Variants in SLC7A14 observed in about 807,000 individuals in gnomAD.
SLC7A14 encodes gamma-aminobutyric acid transporter SLC7A14.
In SLC7A14, 37 loss-of-function variants were observed where a neutral mutation model predicts 60.2. The observed-to-expected ratio is 0.61, with a 90% confidence interval of 0.47 to 0.81. The LOEUF is 0.81. Ranked by LOEUF, SLC7A14 falls within the 30% of genes least tolerant of loss-of-function variation. SLC7A14 has a pLI of 0.00. For missense variants in SLC7A14, 886 were observed against 982.7 expected (o/e 0.90, Z 1.32); for synonymous variants, 399 against 395.8 (o/e 1.01, Z -0.10).
intron 7 of SLC7A14, among the ~76,000 whole-genome samples, chr3:170,470,408 A>C (rs1739863444): frequency 6.6e-6 from 1 of 151,324 alleles, no homozygotes; most frequent in African/African-American, 2.4e-5. Context: ...TGTGAAGACA[A>C]TCCATGGAAA....
At chr3:170,483,057 C>T (rs371448727) in intron 6 of SLC7A14, among the ~76,000 whole-genome samples, 147 of 152,176 alleles carry the variant, frequency 9.7e-4, no homozygotes, top group African/African-American at 3.3e-3. Context: ...CAAAGGAGCA[C>T]GCAATGTCGA....
rs144350764 is a variant in SLC7A14, at chr3:170,538,215, C to A, written c.-152-11127G>T. On this transcript the variant is annotated intron_variant, in intron 1 of 7. Transcript: ENST00000231706. The stretch of plus-strand genomic sequence containing the variant: ...GTTGTCCATCTGAGATACTTCCTCC[C>A]CAGTCAATAGCTGCAATTTGGATGA... 2.1e-3 allele frequency among the ~76,000 whole-genome samples: 322 copies of A among 152,308 alleles called. 1 individual carries two copies. The highest frequency in any genetic ancestry group is 7.3e-3 in the African/African-American group (305 of 41,578).
At chr3:170,541,207 A>T (rs1714006793) in intron 1 of SLC7A14, among the ~76,000 whole-genome samples, 2 of 152,364 alleles carry the variant, frequency 1.3e-5, no homozygotes, top group South Asian at 4.1e-4. Context: ...TAAAAGTTGG[A>T]GACAACCTAC....
Position 170,585,325 on chromosome 3 carries a change from G to C in SLC7A14, c.-153+586C>G, listed in dbSNP as rs1014221456. On this transcript the variant is annotated intron_variant, in intron 1 of 7. Transcript: ENST00000231706. The surrounding 1 kb of genome is among the most constrained non-coding windows in gnomAD (Gnocchi z 5.1). ...TCTCCGGGGACAGACGCCCCTCGGG[G>C]CGCCACCATCCTGGTCGGGGTGCTG... 1.3e-5 allele frequency among the ~76,000 whole-genome samples: 2 copies of C among 152,132 alleles called. No homozygotes were observed. Among genetic ancestry groups the C allele is most frequent in the Admixed American group, 6.5e-5 (1 of 15,282 alleles).
chr3:170,495,982 A>C, intron 4 of SLC7A14: 1 of 1,169,592 alleles, frequency 8.5e-7, no homozygotes. Context: ...GATGAGATCA[A>C]TAAGCGTACA....
chr3:170,554,649 C>A lies in SLC7A14; in HGVS notation c.-152-27561G>T, dbSNP rs865801845. On this transcript the variant is annotated intron_variant, in intron 1 of 7. Coordinates refer to ENST00000231706, the MANE Select transcript of SLC7A14 (RefSeq NM_020949.3). ...CCTGATTGGCCTCTGCTTTCAGTCC[C>A]TTCCTCCCTATTCTCTGCCCCACGG... 6.6e-5 allele frequency among the ~76,000 whole-genome samples: 10 copies of A among 152,332 alleles called. No individual in the cohort carries two copies. In the Middle Eastern group the frequency reaches 0.01, roughly 155 times the overall value.
intron 4 of SLC7A14, chr3:170,496,771 G>C: frequency 1.4e-6 from 1 of 723,490 alleles, no homozygotes; most frequent in Non-Finnish European, 2.5e-6. Context: ...TGGCTCTGTC[G>C]CGGGCTCCAG....
intron 2 of SLC7A14, among the ~76,000 whole-genome samples, chr3:170,516,530 C>T (rs1357578070): frequency 6.7e-6 from 1 of 149,512 alleles, no homozygotes; most frequent in Non-Finnish European, 1.5e-5. Context: ...TGAGACCAGC[C>T]TGAGTAACAC....
At chr3:170,490,862 ATAGAG>A (rs1030200703) in intron 4 of SLC7A14, among the ~76,000 whole-genome samples, 15 of 152,242 alleles carry the variant, frequency 9.9e-5, no homozygotes, top group African/African-American at 3.6e-4. Context: ...AAATGAGATA[ATAGAG>A]TAAACTGCAG....
At chr3:170,482,448 G>A (rs1711863699) in intron 6 of SLC7A14, among the ~76,000 whole-genome samples, 1 of 152,208 alleles carries the variant, frequency 6.6e-6, no homozygotes, top group South Asian at 2.1e-4. Flanking sequence ...CAAAGTCCCT[G>A]AACCGGCCCC....
chr3:170,489,759 TA>T (rs1472508485), intron 4 of SLC7A14, among the ~76,000 whole-genome samples: 3 of 152,126 alleles, frequency 2.0e-5, no homozygotes, highest in South Asian at 2.1e-4. Context: ...TATGCAGCCA[TA>T]AAAAAGAATG....
chr3:170,510,387 C>CAAAAAAAAAA (rs200708263), intron 2 of SLC7A14, among the ~76,000 whole-genome samples: 6 of 99,108 alleles, frequency 6.1e-5, no homozygotes, highest in African/African-American at 7.7e-5. Context: ...AAGACTCTGT[C>CAAAAAAAAAA]AAAAAAAAAA....
At position 170,585,659 on chromosome 3, in the gene SLC7A14, G is replaced by A. The variant is rs1715365447; in HGVS notation, c.-153+252C>T. On this transcript the variant is annotated intron_variant, in intron 1 of 7. Coordinates refer to ENST00000231706, the MANE Select transcript of SLC7A14 (RefSeq NM_020949.3). This position sits in a 1 kb window ranked among gnomAD's most constrained non-coding sequence, Gnocchi z 5.1. ...CGCGAGTCAGAGCCCGGTGCCCCCA[G>A]ACCGCGGGCAGTCGGGGCCTCATTC... is the stretch of plus-strand genomic sequence containing the variant. 6.6e-6 allele frequency among the ~76,000 whole-genome samples: 1 copy of A among 152,136 alleles called. No individual in the cohort carries two copies. The highest frequency in any genetic ancestry group is 2.4e-5 in the African/African-American group (1 of 41,458).
intron 1 of SLC7A14, among the ~76,000 whole-genome samples, chr3:170,561,013 C>T (rs992835194): frequency 1.3e-5 from 2 of 152,194 alleles, no homozygotes; most frequent in Non-Finnish European, 2.9e-5. Context: ...CCCTTCCCCA[C>T]ATTAGTGCCC....
chr3:170,536,824 C>T (rs939136509), intron 1 of SLC7A14, among the ~76,000 whole-genome samples: 1 of 152,108 alleles, frequency 6.6e-6, no homozygotes, highest in Non-Finnish European at 1.5e-5. Context: ...TCTCCTCATC[C>T]CAAATGTGAT....
intron 4 of SLC7A14, among the ~76,000 whole-genome samples, chr3:170,493,655 C>T (rs1022742064): frequency 2.0e-5 from 3 of 152,154 alleles, no homozygotes; most frequent in African/African-American, 7.2e-5. Context: ...TGTGTATTAC[C>T]TTGGTGTATG....
Position 170,501,295 on chromosome 3 carries a change from C to G in SLC7A14, c.355G>C (p.Ala119Pro). The G allele has an allele frequency of 6.2e-7, 1 of 1,614,136 alleles. No individual in the cohort carries two copies. The highest frequency in any genetic ancestry group is 8.5e-7 in the Non-Finnish European group (1 of 1,180,018). The change falls in exon 3 of 8, where the codon GCC (alanine) becomes CCC (proline). Residue 119 changes from alanine to proline, a missense_variant. Physicochemically the swap from Ala to Pro is conservative, Grantham distance 27. Transcript: ENST00000231706. Reference sequence around the variant, plus strand: ...ACAGTGACATAGCTGTAGGTGTAGGCAGATCCTGTGGTCTTGGGGACTCGA... The same window carrying G: ...ACAGTGACATAGCTGTAGGTGTAGGGAGATCCTGTGGTCTTGGGGACTCGA... ...GVRVPKTTGS[A>P]YTYSYVTVGE... is the part of the protein sequence containing the mutation.
intron 1 of SLC7A14, among the ~76,000 whole-genome samples, chr3:170,577,620 G>A (rs1183451832): frequency 2.6e-4 from 27 of 104,084 alleles, no homozygotes; most frequent in Admixed American, 1.7e-3. Context: ...GCGAGACTCC[G>A]TCTCAAAAAA....
chr3:170,516,343 T>C (rs1713158037), intron 2 of SLC7A14, among the ~76,000 whole-genome samples: 1 of 152,142 alleles, frequency 6.6e-6, no homozygotes, highest in African/African-American at 2.4e-5. Flanking sequence ...GCTCTGCTAG[T>C]CAATAGGGTG....
Sources: allele counts gnomAD v4.1 joint callset (sites outside exome capture counted in the v4.1 genomes callset), GRCh38; gene constraint gnomAD v4.1.1; non-coding constraint Gnocchi (gnomAD v3.1); transcripts MANE v1.5; gene names NCBI Gene and HGNC (gene_info 2026-07-23, HGNC 2026-07-21).